ASAP1: variants seen among roughly 807,000 people sequenced by gnomAD.
The protein encoded by ASAP1 is ArfGAP with SH3 domain, ankyrin repeat and PH domain 1.
A neutral mutation model predicts 145.2 loss-of-function variants in ASAP1; 43 were observed. The observed-to-expected ratio is 0.30, with a 90% CI of 0.23 to 0.38. ASAP1 has a LOEUF of 0.38. Ranked by LOEUF, ASAP1 falls within the 10% of genes least tolerant of loss-of-function variation. The probability of loss-of-function intolerance (pLI) is 1.00; values close to 1 mark genes in which losing one functional copy is unlikely to be tolerated. For synonymous variants in ASAP1, 546 were observed against 515.5 expected (o/e 1.06, Z -0.80); for missense variants, 1,018 against 1,355.3 (o/e 0.75, Z 3.91).
chr8:130,266,314 A>G (rs1044183079), intron 3 of ASAP1, among the ~76,000 whole-genome samples: 1 of 152,208 alleles, frequency 6.6e-6, no homozygotes, highest in African/African-American at 2.4e-5. Context: ...CTCAAGCTGC[A>G]AAGTGATTGT....
chr8:130,143,134 T>C (rs1041327087), intron 13 of ASAP1, among the ~76,000 whole-genome samples: 1 of 152,216 alleles, frequency 6.6e-6, no homozygotes, highest in African/African-American at 2.4e-5. Flanking sequence ...AAGGCTGTCT[T>C]GAGCAGCATC....
At chr8:130,238,815 A>G (rs192032466) in intron 3 of ASAP1, among the ~76,000 whole-genome samples, 44 of 152,168 alleles carry the variant, frequency 2.9e-4, no homozygotes, top group Admixed American at 2.6e-3. Flanking sequence ...TTCTACACTT[A>G]TATCTACCAA....
Position 130,358,611 on chromosome 8 carries a change from C to A in ASAP1, c.60-468G>T, listed in dbSNP as rs1012640835. On this transcript the variant is annotated intron_variant, in intron 2 of 29. Transcript: ENST00000518721. The surrounding 1 kb of genome is among the most constrained non-coding windows in gnomAD (Gnocchi z 4.1). ...CTGACTGACTGAGCGCACACTCCCG[C>A]GGCGGGCGGGCGGGCGGGCGGCGCT... Among the ~76,000 whole-genome samples, 5 of 144,988 alleles carry A rather than the reference C, an allele frequency of 3.4e-5. No individual in the cohort carries two copies. The highest frequency in any genetic ancestry group is 1.2e-4 in the African/African-American group (5 of 40,046).
chr8:130,278,506 C>T (rs1223418458), intron 3 of ASAP1, among the ~76,000 whole-genome samples: 1 of 152,118 alleles, frequency 6.6e-6, no homozygotes, highest in African/African-American at 2.4e-5. Flanking sequence ...TCATTAGAAA[C>T]ACATGAAGAC....
intron 11 of ASAP1, among the ~76,000 whole-genome samples, chr8:130,162,698 C>G (rs973316804): frequency 3.8e-4 from 57 of 151,854 alleles, no homozygotes; most frequent in African/African-American, 1.4e-3. Flanking sequence ...GGCGCCTGTA[C>G]TCCCAGCTAC....
At chr8:130,269,803 C>G (rs1434881517) in intron 3 of ASAP1, among the ~76,000 whole-genome samples, 1 of 152,156 alleles carries the variant, frequency 6.6e-6, no homozygotes, top group Non-Finnish European at 1.5e-5. Flanking sequence ...GTCTCTGGTA[C>G]CTGCATTAGA....
At chr8:130,277,384 A>G (rs542783739) in intron 3 of ASAP1, among the ~76,000 whole-genome samples, 1 of 152,380 alleles carries the variant, frequency 6.6e-6, no homozygotes, top group East Asian at 1.9e-4. Context: ...AGTGAATTTA[A>G]GACAACAAAA....
chr8:130,223,880 A>C (rs1315625291), intron 4 of ASAP1, among the ~76,000 whole-genome samples: 2 of 152,128 alleles, frequency 1.3e-5, no homozygotes, highest in African/African-American at 4.8e-5. Flanking sequence ...ATCTTCATGA[A>C]CGAAGAAAAA....
At chr8:130,097,441 C>T (rs939659838) in intron 24 of ASAP1, among the ~76,000 whole-genome samples, 7 of 152,280 alleles carry the variant, frequency 4.6e-5, no homozygotes, top group Middle Eastern at 3.4e-3. Context: ...TGGGTCCCTT[C>T]CCACATCTCC....
chr8:130,378,988 C>G (rs1398569585), intron 2 of ASAP1, among the ~76,000 whole-genome samples: 1 of 152,200 alleles, frequency 6.6e-6, no homozygotes, highest in Admixed American at 6.5e-5. Context: ...GCACAGAACT[C>G]TTGCAGCCTC....
chr8:130,268,457 C>T (rs2670891), intron 3 of ASAP1, among the ~76,000 whole-genome samples: 47,031 of 149,550 alleles, frequency 0.31, 7,476 homozygotes, highest in African/African-American at 0.34. Context: ...CATTATACTC[C>T]AGCCTGGGTG....
chr8:130,232,974 T>A (rs1379864705), intron 4 of ASAP1, among the ~76,000 whole-genome samples: 1 of 152,208 alleles, frequency 6.6e-6, no homozygotes, highest in East Asian at 1.9e-4. Flanking sequence ...TGAGCATGTA[T>A]CATGGAAAGC....
At chr8:130,345,023 T>A (rs988436683) in intron 3 of ASAP1, among the ~76,000 whole-genome samples, 6 of 152,214 alleles carry the variant, frequency 3.9e-5, no homozygotes, top group African/African-American at 1.2e-4. Context: ...TTGGCAGAAC[T>A]GAACTCAAGC....
At chr8:130,069,048 AGGAC>A (rs2097436209) in intron 27 of ASAP1, among the ~76,000 whole-genome samples, 1 of 152,228 alleles carries the variant, frequency 6.6e-6, no homozygotes, top group Admixed American at 6.5e-5. Context: ...TGAGAGCCAA[AGGAC>A]TCCTCCCAGG....
At chr8:130,124,144 C>G (rs781748648) in intron 17 of ASAP1, 40 bp from the exon 18 acceptor site, 6 of 1,324,828 alleles carry the variant, frequency 4.5e-6, no homozygotes, top group South Asian at 1.3e-5. Context: ...ATAGCAAACT[C>G]TTTGCTACTA....
At chr8:130,107,625 G>A (rs2097539691) in intron 24 of ASAP1, among the ~76,000 whole-genome samples, 1 of 151,552 alleles carries the variant, frequency 6.6e-6, no homozygotes, top group African/African-American at 2.4e-5. Context: ...TTGGCTCACT[G>A]CAACCTCTGC....
chr8:130,113,932 C>T (rs1332418507), intron 23 of ASAP1, among the ~76,000 whole-genome samples: 1 of 152,040 alleles, frequency 6.6e-6, no homozygotes, highest in African/African-American at 2.4e-5. Context: ...CAGGCGCACA[C>T]CACCACGGCC....
chr8:130,119,472 G>C (rs2097562044), intron 18 of ASAP1, among the ~76,000 whole-genome samples: 1 of 152,208 alleles, frequency 6.6e-6, no homozygotes, highest in African/African-American at 2.4e-5. Flanking sequence ...CCGTTCAAGT[G>C]TTTCTGGTGG....
At position 130,116,671 on chromosome 8, in the gene ASAP1, T is replaced by C; in HGVS notation, c.2064+7A>G. The C allele has an allele frequency of 1.2e-6, 2 of 1,613,532 alleles. No homozygotes were observed. The highest frequency in any genetic ancestry group is 1.7e-6 in the Non-Finnish European group (2 of 1,179,506). The stretch of plus-strand genomic sequence containing the variant: ...CTAATAAATCTCCCACGTCCATTTT[T>C]GCTTACCAGATCTTCACACTGGGTA... On this transcript the variant is annotated splice_region_variant and intron_variant, in intron 22 of 29. Transcript: ENST00000518721.
Sources: gnomAD v4.1 joint callset for allele counts (sites outside exome capture counted in the v4.1 genomes callset) on GRCh38, gnomAD v4.1.1 for gene constraint, Gnocchi (gnomAD v3.1) non-coding constraint, MANE v1.5 for transcripts, NCBI Gene and HGNC (gene_info 2026-07-23, HGNC 2026-07-21) for gene names.